ATP1B3: variants seen among roughly 807,000 people sequenced by gnomAD.
ATP1B3 encodes ATPase Na+/K+ transporting subunit beta 3.
ATP1B3 carries 10 observed loss-of-function variants against 30.2 expected under a neutral mutation model. The observed-to-expected ratio is 0.33, with a 90% CI of 0.20 to 0.56. The LOEUF (loss-of-function observed/expected upper bound fraction) is 0.56. Ranked by LOEUF, ATP1B3 falls within the 20% of genes least tolerant of loss-of-function variation. The probability of loss-of-function intolerance (pLI) is 0.90; values close to 1 mark genes in which losing one functional copy is unlikely to be tolerated. For missense variants in ATP1B3, 238 were observed against 336.7 expected, an observed-to-expected ratio of 0.71 and a Z score of 2.29; for synonymous variants, 113 against 117.0, an observed-to-expected ratio of 0.97 and a Z score of 0.22.
At chr3:141,890,172 C>T (rs1384784842) in intron 1 of ATP1B3, among the ~76,000 whole-genome samples, 1 of 145,734 alleles carries the variant, frequency 6.9e-6, no homozygotes, top group Admixed American at 6.9e-5. Context: ...CTCACTCTGC[C>T]TCCTAGGCTC....
intron 2 of ATP1B3, among the ~76,000 whole-genome samples, chr3:141,904,749 G>C (rs1329847909): frequency 9.3e-6 from 1 of 107,244 alleles, no homozygotes; most frequent in Non-Finnish European, 1.7e-5. Flanking sequence ...TGCTCCTGTT[G>C]CCTAGGCTGG....
At chr3:141,916,544 A>G (rs1934467571) in intron 5 of ATP1B3, 1 of 1,288,130 alleles carries the variant, frequency 7.8e-7, no homozygotes, top group Non-Finnish European at 1.0e-6. Context: ...CATGCTGCAA[A>G]TGCCACTAAG....
intron 5 of ATP1B3, among the ~76,000 whole-genome samples, chr3:141,917,315 ATC>A (rs1188405085): frequency 2.6e-5 from 4 of 152,096 alleles, no homozygotes; most frequent in Non-Finnish European, 5.9e-5. Context: ...ATGGTTTCTC[ATC>A]TGGGTTGAAA....
At chr3:141,902,022 G>T in intron 1 of ATP1B3, 1 of 776,068 alleles carries the variant, frequency 1.3e-6, no homozygotes, top group South Asian at 1.5e-5. Flanking sequence ...AGATCTCAAA[G>T]AATTTCTCTT....
intron 6 of ATP1B3, among the ~76,000 whole-genome samples, chr3:141,925,130 A>G (rs1403996870): frequency 1.3e-5 from 2 of 152,190 alleles, no homozygotes; most frequent in African/African-American, 4.8e-5. Flanking sequence ...CCAAAAAATT[A>G]AAAAGAATGC....
intron 3 of ATP1B3, among the ~76,000 whole-genome samples, chr3:141,908,618 T>TA (rs1279807136): frequency 2.6e-5 from 4 of 152,214 alleles, no homozygotes; most frequent in Non-Finnish European, 5.9e-5. Context: ...CCTGAGCAGA[T>TA]ACTGAGCAGG....
chr3:141,920,488 T>C (rs1322707323), intron 5 of ATP1B3, among the ~76,000 whole-genome samples: 1 of 151,788 alleles, frequency 6.6e-6, no homozygotes, highest in African/African-American at 2.4e-5. Flanking sequence ...GATCAGGCCA[T>C]TGCACTCTGG....
At chr3:141,915,926 A>T in intron 4 of ATP1B3, 44 bp from the exon 5 acceptor site, 1 of 1,513,992 alleles carries the variant, frequency 6.6e-7, no homozygotes, top group Non-Finnish European at 9.1e-7. Flanking sequence ...GTTCCATTGC[A>T]TACTTACGTG....
intron 1 of ATP1B3, among the ~76,000 whole-genome samples, chr3:141,889,751 A>AAAATT (rs1491094964): frequency 8.0e-5 from 5 of 62,254 alleles, no homozygotes; most frequent in African/African-American, 3.9e-4. Context: ...AAAAAAAAAA[A>AAAATT]TATATACACA....
intron 2 of ATP1B3, among the ~76,000 whole-genome samples, chr3:141,905,687 T>G (rs1934252108): frequency 6.6e-6 from 1 of 152,232 alleles, no homozygotes. Context: ...CATCTCTCAT[T>G]GTAGCACTGT....
At chr3:141,915,944 A>C in intron 4 of ATP1B3, 26 bp from the exon 5 acceptor site, 1 of 1,581,972 alleles carries the variant, frequency 6.3e-7, no homozygotes, top group Non-Finnish European at 8.6e-7. Flanking sequence ...GTGAAGTTTA[A>C]ATTTATCACT....
rs145454821 is a variant in ATP1B3 at position 141,897,656 on chromosome 3, A to G, written c.110-5964A>G. Among the ~76,000 whole-genome samples the G allele has an allele frequency of 3.5e-3, 540 of 152,334 alleles. 6 individuals carry two copies. Among genetic ancestry groups the G allele is most frequent in the African/African-American group, 0.013 (520 of 41,566 alleles). On this transcript the variant is annotated intron_variant, in intron 1 of 6. Transcript: ENST00000286371. ...AATGTGAGAGTGTGTGTATACATAC[A>G]TATATGTGCATACATTTTATTAAAA...
chr3:141,912,124 G>T (rs1454870681), intron 3 of ATP1B3, among the ~76,000 whole-genome samples: 4 of 152,130 alleles, frequency 2.6e-5, no homozygotes, highest in African/African-American at 9.7e-5. Context: ...ATCATTCTTT[G>T]CTTTTAAATG....
intron 4 of ATP1B3, among the ~76,000 whole-genome samples, chr3:141,914,539 G>A (rs1004306272): frequency 3.5e-4 from 53 of 152,252 alleles, no homozygotes; most frequent in African/African-American, 1.2e-3. Context: ...CCTAGCCCCC[G>A]TGCCTTGCTG....
At chr3:141,890,104 T>G (rs1391037608) in intron 1 of ATP1B3, among the ~76,000 whole-genome samples, 1 of 142,208 alleles carries the variant, frequency 7.0e-6, no homozygotes, top group Non-Finnish European at 1.5e-5. Flanking sequence ...TTTTTTTTTT[T>G]TTTTGAGACA....
At chr3:141,913,865 C>G (rs1559872579) in intron 4 of ATP1B3, 29 bp downstream of exon 4, 1 of 1,556,238 alleles carries the variant, frequency 6.4e-7, no homozygotes, top group Admixed American at 2.0e-5. Context: ...TCTGCTGCTG[C>G]TTTTTTCTAA....
chr3:141,904,294 T>G (rs1237207823), intron 2 of ATP1B3, among the ~76,000 whole-genome samples: 1 of 150,302 alleles, frequency 6.7e-6, no homozygotes, highest in Non-Finnish European at 1.5e-5. Context: ...TTGTTTTGTT[T>G]GTTTCGGTTT....
At chr3:141,923,351 AAG>A (rs1413656470) in intron 6 of ATP1B3, among the ~76,000 whole-genome samples, 1 of 151,974 alleles carries the variant, frequency 6.6e-6, no homozygotes, top group African/African-American at 2.4e-5. Context: ...TAAGAAGAGG[AAG>A]AGAGACCTGA....
In ATP1B3 at chr3:141,907,283, G is replaced by C; in HGVS notation, c.346+9G>C. On this transcript the variant is annotated intron_variant, in intron 3 of 6. Transcript: ENST00000286371. ...TAAGAAGTTTCTAAAACGTGAGTAT[G>C]TTTTCTTAGAGTAAGGTCAGAGATT... The C allele has an allele frequency of 6.3e-7, 1 of 1,599,214 alleles. No individual in the cohort carries two copies. Among genetic ancestry groups the C allele is most frequent in the South Asian group, 1.1e-5 (1 of 89,352 alleles).
Sources: gnomAD v4.1 joint callset for allele counts (sites outside exome capture counted in the v4.1 genomes callset) on GRCh38, gnomAD v4.1.1 for gene constraint, MANE v1.5 for transcripts, NCBI Gene and HGNC (gene_info 2026-07-23, HGNC 2026-07-21) for gene names.